Variants in ZNF439 observed in about 807,000 individuals in gnomAD.
The protein encoded by ZNF439 is zinc finger protein 439.
ZNF439 carries 40 observed loss-of-function variants against 47.3 expected under a neutral mutation model. The observed-to-expected ratio is 0.85, with a 90% CI of 0.66 to 1.10. The LOEUF (loss-of-function observed/expected upper bound fraction) is 1.10, where lower values mean the gene tolerates loss of function less well. Ranked by LOEUF, ZNF439 falls within the 50% of genes least tolerant of loss-of-function variation. The pLI is 0.00. For missense variants in ZNF439, 556 were observed against 601.1 expected (o/e 0.93, Z 0.78); for synonymous variants, 171 against 198.8 (o/e 0.86, Z 1.18).
chr19:11,861,047 T>C (rs1976526746), intron 1 of ZNF439, among the ~76,000 whole-genome samples: 1 of 152,192 alleles, frequency 6.6e-6, no homozygotes, highest in African/African-American at 2.4e-5. Flanking sequence ...TTTAAATTTG[T>C]TCATACTCTC....
At chr19:11,849,103 C>T in intron 1 of ZNF439, 173 bp downstream of exon 1, 1 of 1,178,832 alleles carries the variant, frequency 8.5e-7, no homozygotes, top group Non-Finnish European at 1.1e-6. Flanking sequence ...GGACTCCGGG[C>T]GTCCTGTCCC....
At chr19:11,866,650 T>C (rs1599326066) in intron 3 of ZNF439, 53 bp downstream of exon 3, 2 of 1,539,352 alleles carry the variant, frequency 1.3e-6, no homozygotes, top group African/African-American at 2.8e-5. Context: ...TCTTAGAATA[T>C]GAGACTATGT....
chr19:11,851,694 C>T (rs1017583966), intron 1 of ZNF439, among the ~76,000 whole-genome samples: 1 of 150,846 alleles, frequency 6.6e-6, no homozygotes, highest in South Asian at 2.1e-4. Flanking sequence ...ATGTCTTGCT[C>T]TGTGGCCCAG....
At chr19:11,857,057 G>T (rs1276666408) in intron 1 of ZNF439, 1 of 152,182 alleles carries the variant, frequency 6.6e-6, no homozygotes, top group Non-Finnish European at 1.5e-5. Context: ...AACTCTGAGC[G>T]TTGAGCTGAA....
intron 1 of ZNF439, among the ~76,000 whole-genome samples, chr19:11,863,506 G>A (rs911374278): frequency 2.0e-5 from 3 of 152,060 alleles, no homozygotes; most frequent in Non-Finnish European, 4.4e-5. Flanking sequence ...AATTCTAGGA[G>A]TTCTTCATAT....
chr19:11,866,261 G>T lies in ZNF439; in HGVS notation c.120G>T (p.Leu40Phe), dbSNP rs1025755976. 2.5e-6 allele frequency: 4 copies of T among 1,614,012 alleles called. No individual in the cohort carries two copies. Among genetic ancestry groups the T allele is most frequent in the Non-Finnish European group, 2.5e-6 (3 of 1,180,032 alleles). The stretch of plus-strand genomic sequence containing the variant: ...ACTTCACCCAGGAGGAGTGGGCTTT[G>T]CTGGATATTTCCCAGAAGAATCTCT... ...AVNFTQEEWA[L>F]LDISQKNLYR... Residue 40 changes from leucine (L) to phenylalanine (F), a missense_variant, in exon 2 of 4, where the codon TTG becomes TTT. Physicochemically the swap from Leu to Phe is conservative, Grantham distance 22. Coordinates refer to ENST00000682736, the MANE Select transcript of ZNF439 (RefSeq NM_001348719.2).
Position 11,848,993 on chromosome 19 carries a change from G to T in ZNF439, c.63+63G>T, listed in dbSNP as rs560091178. 40 of 1,459,448 alleles carry T rather than the reference G, an allele frequency of 2.7e-5. No homozygotes were observed. The East Asian group carries it at 1.1e-3, about 40-fold the overall frequency. 90.4% of individuals were successfully genotyped at this position (1,459,448 alleles called of 1,614,324 possible). A position where few individuals can be genotyped will look rare whatever the true frequency, so the allele number is the denominator to read the frequency against. On this transcript the variant is annotated intron_variant, in intron 1 of 3. Transcript: ENST00000682736. ...GGCTGCCTGGAACTGGCGGGACCCG[G>T]GCCTCCCTGTGGGCGACTCCGGGGT...
chr19:11,849,014 G>A lies in ZNF439; in HGVS notation c.63+84G>A. 6 of 1,393,814 alleles carry A rather than the reference G, an allele frequency of 4.3e-6. No homozygotes were observed. The South Asian group carries it at 6.2e-5, about 14-fold the overall frequency. The allele number at this position is 1,393,814 out of a possible 1,614,324, so 86.3% of individuals were successfully genotyped here. Reference sequence around the variant, plus strand: ...CCCGGGCCTCCCTGTGGGCGACTCCGGGGTCTGGGACCGAGTCCTCCTAGA... The same window carrying A: ...CCCGGGCCTCCCTGTGGGCGACTCCAGGGTCTGGGACCGAGTCCTCCTAGA... On this transcript the variant is annotated intron_variant, in intron 1 of 3. Transcript: ENST00000682736.
chr19:11,867,222 T>A lies in ZNF439; in HGVS notation c.252-84T>A, dbSNP rs1976709342. On this transcript the variant is annotated intron_variant, in intron 3 of 3. Transcript: ENST00000682736. ...AAGCCTACACTTTGATGGAGAGTGT[T>A]AAAAATGCAAGTACAATACTTGCTG... The A allele has an allele frequency of 4.7e-6, 7 of 1,482,142 alleles. No individual in the cohort carries two copies. In the South Asian group the frequency reaches 9.2e-5, roughly 19 times the overall value. The allele number at this position is 1,482,142 out of a possible 1,614,324, so 91.8% of individuals were successfully genotyped here.
At chr19:11,866,722 T>TTAG in intron 3 of ZNF439, 125 bp downstream of exon 3, 1 of 1,000,380 alleles carries the variant, frequency 1.0e-6, no homozygotes, top group Non-Finnish European at 1.4e-6. Context: ...TACAATATTT[T>TTAG]ATCTAAAAAT....
Position 11,868,597 on chromosome 19 carries a change from T to C in ZNF439, c.*28T>C, listed in dbSNP as rs1165374079. The C allele has an allele frequency of 1.9e-6, 3 of 1,577,356 alleles. No homozygotes were observed. The highest frequency in any genetic ancestry group is 4.5e-5 in the East Asian group (2 of 44,628). ...ATAAGATATATGGGAAACACTTTTA[T>C]TCTGCCAAGTTATTTCAAACACATG... On this transcript the variant is annotated 3_prime_UTR_variant, in exon 4 of 4. Coordinates refer to ENST00000682736, the MANE Select transcript of ZNF439 (RefSeq NM_001348719.2).
chr19:11,851,927 C>A (rs770407581), intron 1 of ZNF439, among the ~76,000 whole-genome samples: 1 of 152,188 alleles, frequency 6.6e-6, no homozygotes, highest in Non-Finnish European at 1.5e-5. Context: ...GGATTGCAGG[C>A]GTTAGCCAGT....
intron 1 of ZNF439, among the ~76,000 whole-genome samples, chr19:11,855,775 T>A (rs1345160356): frequency 6.6e-6 from 1 of 152,212 alleles, no homozygotes; most frequent in African/African-American, 2.4e-5. Context: ...TCAGGGGTTT[T>A]TGCCTGTCCC....
chr19:11,859,387 C>T (rs1384516205), intron 1 of ZNF439, among the ~76,000 whole-genome samples: 5 of 152,176 alleles, frequency 3.3e-5, no homozygotes. Flanking sequence ...TCTGTAATGT[C>T]TCTATGTCCA....
chr19:11,854,831 G>A (rs186338516), intron 1 of ZNF439, among the ~76,000 whole-genome samples: 14 of 152,272 alleles, frequency 9.2e-5, no homozygotes, highest in Admixed American at 5.2e-4. Context: ...AAGATTTACA[G>A]GTCAATTGGG....
chr19:11,854,668 G>A (rs886665691), intron 1 of ZNF439, among the ~76,000 whole-genome samples: 13 of 152,116 alleles, frequency 8.5e-5, no homozygotes, highest in Non-Finnish European at 1.8e-4. Flanking sequence ...TGAGGCAGGA[G>A]AATTGCTTGA....
chr19:11,869,234 C>G lies in ZNF439; in HGVS notation c.*665C>G. The G allele has an allele frequency of 4.6e-6, 1 of 218,084 alleles. No individual in the cohort carries two copies. The highest frequency in any genetic ancestry group is 1.0e-5 in the Non-Finnish European group (1 of 99,792). The allele number at this position is 218,084 out of a possible 1,614,324, so 13.5% of individuals were successfully genotyped here. On this transcript the variant is annotated 3_prime_UTR_variant, in exon 4 of 4. Transcript: ENST00000682736. ...GACTCACACTGGGGAGAAACCGTAT[C>G]AATGTAAGCAATGTGGGAAAGCCGT...
intron 1 of ZNF439, among the ~76,000 whole-genome samples, chr19:11,865,070 G>A (rs1040327648): frequency 7.9e-5 from 12 of 152,084 alleles, no homozygotes; most frequent in African/African-American, 2.2e-4. Context: ...ATGAGCCACC[G>A]CACCAGGCCA....
At chr19:11,866,177 C>T (rs1329394479) in intron 1 of ZNF439, 28 bp from the exon 2 acceptor site, 1 of 1,613,744 alleles carries the variant, frequency 6.2e-7, no homozygotes, top group Admixed American at 1.7e-5. Flanking sequence ...TCTCACCCAT[C>T]CTCCTCTACA....
Sources: allele counts gnomAD v4.1 joint callset (sites outside exome capture counted in the v4.1 genomes callset), GRCh38; gene constraint gnomAD v4.1.1; transcripts MANE v1.5; gene names NCBI Gene and HGNC (gene_info 2026-07-23, HGNC 2026-07-21).